The following SLC14A2 variants were observed in gnomAD, a reference collection of about 807,000 sequenced individuals.
The protein encoded by SLC14A2 is urea transporter 2.
A neutral mutation model predicts 104.6 loss-of-function variants in SLC14A2; 91 were observed. The observed-to-expected ratio is 0.87, with a 90% CI of 0.73 to 1.04. The LOEUF is 1.04. Ranked by LOEUF, SLC14A2 falls within the 50% of genes least tolerant of loss-of-function variation. SLC14A2 has a pLI of 0.00. For missense variants in SLC14A2, 1,189 were observed against 1,156.0 expected, an observed-to-expected ratio of 1.03 and a Z score of -0.41; for synonymous variants, 476 against 466.4, an observed-to-expected ratio of 1.02 and a Z score of -0.27.
At chr18:45,503,115 A>T (rs2043224750) in intron 2 of SLC14A2, among the ~76,000 whole-genome samples, 1 of 152,142 alleles carries the variant, frequency 6.6e-6, no homozygotes, top group Admixed American at 6.5e-5. Context: ...AGTTAATTAA[A>T]TGTGTAATTA....
intron 1 of SLC14A2, among the ~76,000 whole-genome samples, chr18:45,366,861 A>G (rs557464874): frequency 3.8e-4 from 58 of 152,314 alleles, no homozygotes; most frequent in African/African-American, 1.2e-3. Context: ...TCAGAATGGA[A>G]CAGAGTGTAT....
intron 1 of SLC14A2, among the ~76,000 whole-genome samples, chr18:45,349,111 T>C (rs1278727702): frequency 2.0e-5 from 3 of 152,266 alleles, no homozygotes; most frequent in South Asian, 2.1e-4. Context: ...CCAATTTCTC[T>C]GTGCTCATTT....
At chr18:45,412,900 C>A (rs893410542) in intron 1 of SLC14A2, among the ~76,000 whole-genome samples, 1 of 152,172 alleles carries the variant, frequency 6.6e-6, no homozygotes, top group Non-Finnish European at 1.5e-5. Context: ...TGCTCATCTC[C>A]ATGCAAGAAT....
intron 19 of SLC14A2, among the ~76,000 whole-genome samples, chr18:45,681,062 T>C (rs1332359765): frequency 1.2e-3 from 1 of 868 alleles, no homozygotes; most frequent in African/African-American, 1.2e-3. Context: ...TTTTTTTTTT[T>C]TTTTTTTTTT....
At chr18:45,575,296 T>G (rs1374907407) in intron 2 of SLC14A2, among the ~76,000 whole-genome samples, 1 of 152,158 alleles carries the variant, frequency 6.6e-6, no homozygotes, top group African/African-American at 2.4e-5. Context: ...TCCATGCCCC[T>G]GTCTTTCTCC....
chr18:45,517,952 T>C (rs1326834812), intron 2 of SLC14A2, among the ~76,000 whole-genome samples: 1 of 152,222 alleles, frequency 6.6e-6, no homozygotes, highest in Non-Finnish European at 1.5e-5. Flanking sequence ...CTGTAGAAGA[T>C]TGTTGAACTG....
rs755864706 is a variant in SLC14A2 at position 45,643,144 on chromosome 18, C to A, written c.1139C>A (p.Ala380Glu). 6.2e-7 allele frequency: 1 copy of A among 1,614,142 alleles called. No homozygotes were observed. ...LLALICALFC[A>E]YMEAAISNIM... ...TGTTCCTCCACAGCCCTGTTCTGTG[C>A]ATACATGGAAGCAGCCATCTCCAAC... Residue 380 changes from alanine (A) to glutamate (E), a missense_variant, in exon 9 of 20, where the codon GCA (alanine) becomes GAA (glutamate). Physicochemically the swap from Ala to Glu is moderately radical, Grantham distance 107. Transcript: ENST00000255226.
chr18:45,575,459 G>A (rs920006324), intron 2 of SLC14A2, among the ~76,000 whole-genome samples: 1 of 152,156 alleles, frequency 6.6e-6, no homozygotes. Context: ...CACCTGCAGA[G>A]ATTGTAGTTC....
chr18:45,467,838 A>G (rs1366681570), intron 1 of SLC14A2, among the ~76,000 whole-genome samples: 1 of 152,198 alleles, frequency 6.6e-6, no homozygotes, highest in African/African-American at 2.4e-5. Flanking sequence ...AACAAAAAAA[A>G]CACACTGTGA....
chr18:45,464,695 C>T (rs1402369492), intron 1 of SLC14A2, among the ~76,000 whole-genome samples: 2 of 152,176 alleles, frequency 1.3e-5, no homozygotes, highest in African/African-American at 4.8e-5. Flanking sequence ...GTCAGTTCCA[C>T]TCGTAGAGCA....
chr18:45,300,955 A>G (rs1173102160), intron 1 of SLC14A2, among the ~76,000 whole-genome samples: 4 of 152,152 alleles, frequency 2.6e-5, no homozygotes, highest in African/African-American at 9.7e-5. Context: ...ACCACAGGAG[A>G]CACTGCCTGA....
intron 1 of SLC14A2, among the ~76,000 whole-genome samples, chr18:45,459,789 G>T (rs967036800): frequency 6.6e-6 from 1 of 152,136 alleles, no homozygotes; most frequent in South Asian, 2.1e-4. Flanking sequence ...TGCCTTTGAG[G>T]GTAGCATCCC....
At chr18:45,667,119 G>A (rs781462727) in intron 13 of SLC14A2, 25 bp downstream of exon 13, 1 of 1,592,348 alleles carries the variant, frequency 6.3e-7, no homozygotes, top group Admixed American at 1.7e-5. Flanking sequence ...GAACAACACT[G>A]ACCCTGACCC....
intron 1 of SLC14A2, among the ~76,000 whole-genome samples, chr18:45,228,193 G>C (rs571267111): frequency 6.6e-6 from 1 of 152,296 alleles, no homozygotes; most frequent in East Asian, 1.9e-4. Flanking sequence ...ACATTTTCAT[G>C]AAAGTTGAAT....
At chr18:45,335,525 T>G (rs1216576079) in intron 1 of SLC14A2, among the ~76,000 whole-genome samples, 1 of 152,186 alleles carries the variant, frequency 6.6e-6, no homozygotes, top group African/African-American at 2.4e-5. Flanking sequence ...CTTTCATGCC[T>G]CACATCATTC....
chr18:45,501,110 C>G (rs990733866), intron 2 of SLC14A2, among the ~76,000 whole-genome samples: 11 of 152,126 alleles, frequency 7.2e-5, no homozygotes, highest in African/African-American at 2.7e-4. Context: ...TGTGTATTGT[C>G]CCGTTTTACC....
intron 11 of SLC14A2, among the ~76,000 whole-genome samples, chr18:45,665,118 AAC>A (rs1292456940): frequency 6.6e-6 from 1 of 152,170 alleles, no homozygotes; most frequent in African/African-American, 2.4e-5. Flanking sequence ...TCACCTCCCA[AAC>A]ACACTGGTAT....
intron 1 of SLC14A2, among the ~76,000 whole-genome samples, chr18:45,261,915 A>G (rs1427918280): frequency 1.3e-5 from 2 of 152,186 alleles, no homozygotes; most frequent in Admixed American, 1.3e-4. Flanking sequence ...TCCTTTGGGT[A>G]TATACCCAGT....
chr18:45,364,966 A>G (rs1252910717), intron 1 of SLC14A2, among the ~76,000 whole-genome samples: 1 of 152,204 alleles, frequency 6.6e-6, no homozygotes. Flanking sequence ...ACTGGAACAG[A>G]GTGAATCGCA....
Sources: allele counts gnomAD v4.1 joint callset (sites outside exome capture counted in the v4.1 genomes callset), GRCh38; gene constraint gnomAD v4.1.1; transcripts MANE v1.5; gene names NCBI Gene and HGNC (gene_info 2026-07-23, HGNC 2026-07-21).